Variants in ARHGEF10 observed in about 807,000 individuals in gnomAD.
ARHGEF10 encodes the protein Rho guanine nucleotide exchange factor 10.
Under a neutral mutation model 147.4 loss-of-function variants are expected in ARHGEF10, and 140 were observed. That is an observed-to-expected ratio of 0.95 (90% CI 0.83 to 1.09). The LOEUF (loss-of-function observed/expected upper bound fraction) is 1.09. Ranked by LOEUF, ARHGEF10 falls within the 50% of genes least tolerant of loss-of-function variation. The pLI is 0.00. For missense variants in ARHGEF10, 2,222 were observed against 1,752.7 expected (o/e 1.27, Z -4.78); for synonymous variants, 902 against 695.8 (o/e 1.30, Z -4.67).
intron 26 of ARHGEF10, among the ~76,000 whole-genome samples, chr8:1,944,245 C>T (rs1008840540): frequency 3.3e-5 from 5 of 152,106 alleles, no homozygotes; most frequent in Non-Finnish European, 5.9e-5. Context: ...CCCAGCCTCC[C>T]GCACCGTGTC....
chr8:1,952,680 A>G, intron 27 of ARHGEF10, 25 bp from the exon 28 acceptor site: 1 of 1,613,024 alleles, frequency 6.2e-7, no homozygotes, highest in South Asian at 1.1e-5. Flanking sequence ...ACCAGACCCG[A>G]AGCCACTCAT....
intron 1 of ARHGEF10, among the ~76,000 whole-genome samples, chr8:1,840,926 T>C (rs1423989535): frequency 3.3e-5 from 5 of 152,172 alleles, no homozygotes; most frequent in African/African-American, 1.2e-4. Flanking sequence ...ACTCGGACCC[T>C]GTCTTGCTGC....
At chr8:1,901,324 C>A (rs3758016) in intron 15 of ARHGEF10, among the ~76,000 whole-genome samples, 39,795 of 152,072 alleles carry the variant, frequency 0.26, 5,528 homozygotes, top group Middle Eastern at 0.35. Flanking sequence ...CTCTCCTGGT[C>A]TCTGCTCTCC....
In ARHGEF10 at chr8:1,922,999, G is replaced by C. The variant is rs367690979; in HGVS notation, c.2179G>C (p.Asp727His). Residue 727 changes from aspartate to histidine, a missense_variant, in exon 19 of 29, where the codon GAT becomes CAT. By Grantham distance (81) the Asp-to-His change is moderately conservative. Coordinates refer to ENST00000349830, the MANE Select transcript of ARHGEF10 (RefSeq NM_014629.4). ...CATGGGGCCAGGACAACTGTATCAA[G>C]ATTTACAAAACTTGTTGCATGACTT... is the stretch of plus-strand genomic sequence containing the variant. ...VYMGPGQLYQ[D>H]LQNLLHDLNV... 6.2e-7 allele frequency: 1 copy of C among 1,613,470 alleles called. No individual in the cohort carries two copies. Among genetic ancestry groups the C allele is most frequent in the Non-Finnish European group, 8.5e-7 (1 of 1,179,914 alleles).
At chr8:1,893,124 A>G (rs1809687619) in intron 11 of ARHGEF10, among the ~76,000 whole-genome samples, 1 of 150,252 alleles carries the variant, frequency 6.7e-6, no homozygotes, top group Admixed American at 6.6e-5. Context: ...ATTCCTCCAC[A>G]TTCCACAAAC....
chr8:1,842,628 G>C (rs116910152), intron 1 of ARHGEF10, among the ~76,000 whole-genome samples: 8,031 of 152,330 alleles, frequency 0.053, 270 homozygotes, highest in Non-Finnish European at 0.083. Context: ...CACTGGAGCC[G>C]AGGCAGCTGG....
At chr8:1,916,877 G>C (rs1488424486) in intron 18 of ARHGEF10, among the ~76,000 whole-genome samples, 2 of 152,184 alleles carry the variant, frequency 1.3e-5, no homozygotes, top group African/African-American at 4.8e-5. Context: ...TAACACATGA[G>C]TGATTTCTCT....
upstream of ARHGEF10, among the ~76,000 whole-genome samples, chr8:1,823,362 G>A (rs531080843): frequency 3.3e-5 from 5 of 152,088 alleles, no homozygotes; most frequent in Admixed American, 6.5e-5. Flanking sequence ...ACGGAGGGAC[G>A]GGGGCTCAAG....
At chr8:1,824,809 TC>T (rs1180063468) in intron 1 of ARHGEF10, among the ~76,000 whole-genome samples, 2 of 18,658 alleles carry the variant, frequency 1.1e-4, no homozygotes, top group African/African-American at 3.4e-4. Flanking sequence ...CCCCACCTGT[TC>T]CCCCTGCACC....
At position 1,937,716 on chromosome 8, in the gene ARHGEF10, T is replaced by G. The variant is rs1402053145; in HGVS notation, c.3222+3774T>G. Among the ~76,000 whole-genome samples the G allele has an allele frequency of 6.6e-6, 1 of 152,226 alleles. No individual in the cohort carries two copies. Among genetic ancestry groups the G allele is most frequent in the Non-Finnish European group, 1.5e-5 (1 of 68,036 alleles). On this transcript the variant is annotated intron_variant, in intron 26 of 28. Transcript: ENST00000349830. The surrounding 1 kb of genome is among the most constrained non-coding windows in gnomAD (Gnocchi z 4.9). ...CCACAAGATTCGAGCCCTGGGTATG[T>G]GTCCGCCTTGCTGACAGCGAGGGCA...
chr8:1,868,401 A>G (rs2129091462), intron 6 of ARHGEF10, among the ~76,000 whole-genome samples: 1 of 152,316 alleles, frequency 6.6e-6, no homozygotes, highest in African/African-American at 2.4e-5. Flanking sequence ...ACCGCTAGTC[A>G]ATGAGTGGAA....
Position 1,882,668 on chromosome 8 carries a change from A to G in ARHGEF10, c.994A>G (p.Thr332Ala). The G allele has an allele frequency of 6.4e-7, 1 of 1,556,206 alleles. No homozygotes were observed. ...GCTCGTGAAGGCCGCGAAGGACGGC[A>G]CCAAGGACGGGCTGGAGAGGACCAG... is the stretch of plus-strand genomic sequence containing the variant. ...QKLVKAAKDG[T>A]KDGLERTRAA... The change falls in exon 10 of 29, where the codon ACC (threonine) becomes GCC (alanine). Residue 332 changes from threonine (T) to alanine (A), a missense_variant. Coordinates refer to ENST00000349830, the MANE Select transcript of ARHGEF10 (RefSeq NM_014629.4).
At chr8:1,872,494 A>C (rs961517245) in intron 7 of ARHGEF10, among the ~76,000 whole-genome samples, 1 of 152,194 alleles carries the variant, frequency 6.6e-6, no homozygotes, top group Non-Finnish European at 1.5e-5. Context: ...CAGGAAGTTG[A>C]ATCCAGCATG....
At position 1,922,947 on chromosome 8, in the gene ARHGEF10, T is replaced by C; in HGVS notation, c.2144-17T>C. ...TTACCTTTGTATTCTTTTTTTTTCT[T>C]TTTGCTTATTTTGTAGACAAAGTTT... On this transcript the variant is annotated splice_polypyrimidine_tract_variant and intron_variant, in intron 18 of 28. Coordinates refer to ENST00000349830, the MANE Select transcript of ARHGEF10 (RefSeq NM_014629.4). 1 of 1,560,890 alleles carries C rather than the reference T, an allele frequency of 6.4e-7. No homozygotes were observed.
intron 2 of ARHGEF10, among the ~76,000 whole-genome samples, chr8:1,854,255 C>T (rs578152807): frequency 6.6e-6 from 1 of 152,136 alleles, no homozygotes; most frequent in Admixed American, 6.5e-5. Context: ...GCCTCACCAT[C>T]GATGGAGGCC....
chr8:1,825,504 G>A (rs1034553395), intron 1 of ARHGEF10, among the ~76,000 whole-genome samples: 5 of 112,198 alleles, frequency 4.5e-5, no homozygotes, highest in African/African-American at 1.1e-4. Flanking sequence ...TGTCCCCCCC[G>A]TACTCCACCT....
Position 1,876,586 on chromosome 8 carries a change from AT to A in ARHGEF10, c.696del (p.Asp232GlufsTer55). 1 of 1,614,176 alleles carries A rather than the reference AT, an allele frequency of 6.2e-7. No homozygotes were observed. On this transcript the variant is annotated frameshift_variant, in exon 8 of 29. Coordinates refer to ENST00000349830, the MANE Select transcript of ARHGEF10 (RefSeq NM_014629.4). LOFTEE classifies it high-confidence loss of function. ...ATGCACTCAGATGAAATGATTTATG[AT>A]GATGTTGAGAATGGGGATGAAGGTG... ...SDSEPDEMIY[D>X]DVENGDEGGN...
chr8:1,929,709 C>T (rs535226580), intron 25 of ARHGEF10, among the ~76,000 whole-genome samples: 3 of 152,346 alleles, frequency 2.0e-5, no homozygotes, highest in African/African-American at 7.2e-5. Context: ...TTCTCCCCCT[C>T]GGATGGGGGC....
intron 27 of ARHGEF10, among the ~76,000 whole-genome samples, chr8:1,952,351 G>A (rs1223311176): frequency 6.6e-6 from 1 of 152,190 alleles, no homozygotes; most frequent in Non-Finnish European, 1.5e-5. Flanking sequence ...GGGGGCTCAC[G>A]AGCTCACGTG....
Sources: allele counts gnomAD v4.1 joint callset (sites outside exome capture counted in the v4.1 genomes callset), GRCh38; gene constraint gnomAD v4.1.1; non-coding constraint Gnocchi (gnomAD v3.1); transcripts MANE v1.5; gene names NCBI Gene and HGNC (gene_info 2026-07-23, HGNC 2026-07-21).